The following GRID2 variants were observed in gnomAD, a reference collection of about 807,000 sequenced individuals.
GRID2 encodes the protein glutamate receptor ionotropic, delta-2.
Under a neutral mutation model 114.8 loss-of-function variants are expected in GRID2, and 33 were observed. The ratio of observed to expected loss-of-function variants is 0.29; its 90% CI spans 0.22 to 0.38. The LOEUF (loss-of-function observed/expected upper bound fraction) is 0.38, where lower values mean the gene tolerates loss of function less well. GRID2 is among the 10% of genes least tolerant of loss of function. The pLI, the probability that GRID2 is intolerant of heterozygous loss-of-function variation, is 1.00. For synonymous variants in GRID2, 505 were observed against 449.9 expected, an observed-to-expected ratio of 1.12 and a Z score of -1.55; for missense variants, 1,184 against 1,257.7, an observed-to-expected ratio of 0.94 and a Z score of 0.89.
chr4:93,779,906 A>C (rs565473671), intron 1 of GRID2, among the ~76,000 whole-genome samples: 15 of 152,218 alleles, frequency 9.9e-5, no homozygotes, highest in Non-Finnish European at 1.8e-4. Flanking sequence ...CTGGAGGCTG[A>C]GCTGAAGAGA....
In GRID2 at chr4:92,449,632, G is replaced by A. The variant is rs190776905; in HGVS notation, c.89-140499G>A. Among the ~76,000 whole-genome samples, 584 of 135,870 alleles carry A rather than the reference G, an allele frequency of 4.3e-3. 2 individuals are homozygous for A. Among genetic ancestry groups the A allele is most frequent in the Non-Finnish European group, 6.9e-3 (444 of 64,306 alleles). 89.1% of individuals were successfully genotyped at this position (135,870 alleles called of 152,430 possible). Reference sequence around the variant, plus strand: ...TCTTAATTTTACTAATTATACTCAAGTTTTTACTTGTAATATAATCAAATA... The same window carrying A: ...TCTTAATTTTACTAATTATACTCAAATTTTTACTTGTAATATAATCAAATA... On this transcript the variant is annotated intron_variant, in intron 1 of 15. Transcript: ENST00000282020.
At chr4:92,951,752 T>C (rs1350705226) in intron 2 of GRID2, among the ~76,000 whole-genome samples, 3 of 152,178 alleles carry the variant, frequency 2.0e-5, no homozygotes, top group Admixed American at 2.0e-4. Flanking sequence ...CTTCCAAAAT[T>C]GGTATAGATT....
intron 13 of GRID2, among the ~76,000 whole-genome samples, chr4:93,572,813 T>C (rs1394432926): frequency 6.6e-6 from 1 of 152,000 alleles, no homozygotes; most frequent in Non-Finnish European, 1.5e-5. Context: ...GAGAGAGGGG[T>C]TGCCATATTG....
chr4:93,441,644 A>AC (rs1364387491), intron 10 of GRID2, among the ~76,000 whole-genome samples: 2 of 151,792 alleles, frequency 1.3e-5, no homozygotes, highest in East Asian at 2.0e-4. Context: ...CATTTAAAGG[A>AC]TTTTTTTTAA....
exon 2 of GRID2, chr4:93,807,168 T>C (rs922507565): frequency 2.0e-5 from 3 of 152,236 alleles, no homozygotes; most frequent in African/African-American, 7.2e-5. Context: ...TGCCTAGATG[T>C]CCTGGTCAAG....
intron 10 of GRID2, among the ~76,000 whole-genome samples, chr4:93,449,359 C>T (rs1451491304): frequency 6.6e-5 from 10 of 151,898 alleles, no homozygotes; most frequent in African/African-American, 2.4e-4. Context: ...GCAATATGTA[C>T]AAAACATGAA....
In GRID2 at chr4:92,883,451, C is replaced by T. The variant is rs80246581; in HGVS notation, c.245-201544C>T. Among the ~76,000 whole-genome samples the T allele has an allele frequency of 7.9e-5, 12 of 152,282 alleles. 1 individual carries two copies. The East Asian group carries it at 1.2e-3, about 15-fold the overall frequency. The stretch of plus-strand genomic sequence containing the variant: ...TGATATTTTGACCTCCTTTCATGAA[C>T]CATGAATGTTCTGAGTGTCATCTAG... On this transcript the variant is annotated intron_variant, in intron 2 of 15. Coordinates refer to ENST00000282020, the MANE Select transcript of GRID2 (RefSeq NM_001510.4).
chr4:92,511,962 A>G (rs1446096345), intron 1 of GRID2, among the ~76,000 whole-genome samples: 1 of 151,736 alleles, frequency 6.6e-6, no homozygotes, highest in Non-Finnish European at 1.5e-5. Context: ...TATATATAAT[A>G]CCTCAGTCTC....
chr4:92,376,648 G>A (rs1729369448), intron 1 of GRID2, among the ~76,000 whole-genome samples: 1 of 136,700 alleles, frequency 7.3e-6, no homozygotes, highest in Non-Finnish European at 1.6e-5. Context: ...TTCTTCATGA[G>A]AGGCCTGCCC....
chr4:92,371,395 T>C (rs1026409152), intron 1 of GRID2, among the ~76,000 whole-genome samples: 1 of 152,156 alleles, frequency 6.6e-6, no homozygotes, highest in Non-Finnish European at 1.5e-5. Flanking sequence ...CTGACTCTCA[T>C]GTTAGGGGCA....
At chr4:93,208,852 A>G (rs1051332002) in intron 5 of GRID2, among the ~76,000 whole-genome samples, 3 of 151,932 alleles carry the variant, frequency 2.0e-5, no homozygotes, top group African/African-American at 7.2e-5. Flanking sequence ...GGTACCTTCT[A>G]AGTTTCTAGT....
intron 8 of GRID2, among the ~76,000 whole-genome samples, chr4:93,359,550 C>A (rs1761678200): frequency 6.6e-6 from 1 of 151,336 alleles, no homozygotes; most frequent in African/African-American, 2.4e-5. Flanking sequence ...CATTAACCAT[C>A]CCCATCTCTA....
chr4:92,392,213 C>T (rs764074725), intron 1 of GRID2, among the ~76,000 whole-genome samples: 21 of 152,064 alleles, frequency 1.4e-4, no homozygotes, highest in Admixed American at 2.6e-4. Context: ...GTAAATTTGA[C>T]ACATGATAAC....
chr4:92,314,877 T>C (rs1366935936), intron 1 of GRID2, among the ~76,000 whole-genome samples: 1 of 152,172 alleles, frequency 6.6e-6, no homozygotes, highest in Non-Finnish European at 1.5e-5. Flanking sequence ...AAGTTTATCA[T>C]TGCAGCATAG....
intron 14 of GRID2, among the ~76,000 whole-genome samples, chr4:93,703,743 G>A (rs1727734105): frequency 6.8e-6 from 1 of 147,954 alleles, no homozygotes; most frequent in Non-Finnish European, 1.5e-5. Context: ...AGAACATGCA[G>A]TGTTTGGTTT....
intron 1 of GRID2, among the ~76,000 whole-genome samples, chr4:92,387,397 C>T (rs749425406): frequency 1.7e-4 from 26 of 151,834 alleles, no homozygotes; most frequent in Non-Finnish European, 3.5e-4. Context: ...TAAGAGCCAG[C>T]AAGTTGTGTG....
intron 13 of GRID2, among the ~76,000 whole-genome samples, chr4:93,548,395 T>C (rs565514456): frequency 6.6e-6 from 1 of 152,274 alleles, no homozygotes; most frequent in African/African-American, 2.4e-5. Flanking sequence ...TCATGGGAAG[T>C]TGAGTCCCAA....
intron 14 of GRID2, among the ~76,000 whole-genome samples, chr4:93,685,716 C>G (rs941442436): frequency 5.3e-5 from 8 of 152,032 alleles, no homozygotes; most frequent in African/African-American, 1.9e-4. Flanking sequence ...TGCTTCCCAT[C>G]AACTTTTCTC....
At chr4:92,451,501 G>C (rs2149079006) in intron 1 of GRID2, among the ~76,000 whole-genome samples, 1 of 152,216 alleles carries the variant, frequency 6.6e-6, no homozygotes, top group South Asian at 2.1e-4. Flanking sequence ...GCATACAATA[G>C]AATTTCAATG....
Sources: allele counts gnomAD v4.1 joint callset (sites outside exome capture counted in the v4.1 genomes callset), GRCh38; gene constraint gnomAD v4.1.1; transcripts MANE v1.5; gene names NCBI Gene and HGNC (gene_info 2026-07-23, HGNC 2026-07-21).